The following NAV2 variants were observed in gnomAD, a reference collection of about 807,000 sequenced individuals.
NAV2 encodes the protein neuron navigator 2.
Under a neutral mutation model 223.2 loss-of-function variants are expected in NAV2, and 54 were observed. The observed-to-expected ratio is 0.24, with a 90% CI of 0.19 to 0.30. The LOEUF is 0.30. Among genes scored for constraint, NAV2 ranks in the 10% least tolerant of loss-of-function variants. The probability of loss-of-function intolerance (pLI) is 1.00; values close to 1 mark genes in which losing one functional copy is unlikely to be tolerated. For missense variants in NAV2, 2,806 were observed against 3,147.5 expected, an observed-to-expected ratio of 0.89 and a Z score of 2.60; for synonymous variants, 1,279 against 1,239.3, an observed-to-expected ratio of 1.03 and a Z score of -0.67.
At chr11:19,903,495 C>T (rs1276882880) in intron 6 of NAV2, among the ~76,000 whole-genome samples, 2 of 152,164 alleles carry the variant, frequency 1.3e-5, no homozygotes, top group Non-Finnish European at 2.9e-5. Flanking sequence ...CTGCTTCCTT[C>T]ATAAGAGCAA....
At chr11:20,110,837 T>C (rs1328846506) in intron 36 of NAV2, among the ~76,000 whole-genome samples, 1 of 152,160 alleles carries the variant, frequency 6.6e-6, no homozygotes, top group East Asian at 1.9e-4. Context: ...GGCCATGAAG[T>C]GAGCACATTG....
intron 1 of NAV2, among the ~76,000 whole-genome samples, chr11:19,539,483 A>G (rs2044280901): frequency 6.6e-6 from 1 of 152,176 alleles, no homozygotes; most frequent in African/African-American, 2.4e-5. Context: ...ATTTAATATT[A>G]ATCTTATTTC....
intron 1 of NAV2, among the ~76,000 whole-genome samples, chr11:19,764,856 A>C (rs1242833902): frequency 6.6e-6 from 1 of 152,170 alleles, no homozygotes; most frequent in African/African-American, 2.4e-5. Context: ...AGTGGCAGCA[A>C]CACCTGCCCA....
intron 1 of NAV2, among the ~76,000 whole-genome samples, chr11:19,644,491 G>T (rs1298850575): frequency 6.6e-6 from 1 of 152,232 alleles, no homozygotes; most frequent in African/African-American, 2.4e-5. Flanking sequence ...TGAAGCTAAA[G>T]GAAGTGGGAG....
At chr11:19,634,255 G>T (rs1379438118) in intron 1 of NAV2, among the ~76,000 whole-genome samples, 2 of 152,116 alleles carry the variant, frequency 1.3e-5, no homozygotes, top group Non-Finnish European at 2.9e-5. Context: ...AAATGTGTAG[G>T]TTATCATCAA....
intron 5 of NAV2, 50 bp downstream of exon 5, chr11:19,880,177 C>A (rs778234705): frequency 6.7e-7 from 1 of 1,499,774 alleles, no homozygotes; most frequent in South Asian, 1.4e-5. Context: ...CACCTTCCTC[C>A]ACCCCAACCA....
chr11:19,745,498 T>A (rs2053261682), intron 1 of NAV2, among the ~76,000 whole-genome samples: 1 of 152,078 alleles, frequency 6.6e-6, no homozygotes, highest in Non-Finnish European at 1.5e-5. Context: ...CCCTACATGT[T>A]GTCACCATTC....
intron 1 of NAV2, among the ~76,000 whole-genome samples, chr11:19,770,678 G>A (rs2055647148): frequency 6.6e-6 from 1 of 152,090 alleles, no homozygotes; most frequent in Non-Finnish European, 1.5e-5. Context: ...CACTTACCCT[G>A]GAGCTTTCAA....
At chr11:19,814,082 A>G (rs1178288071) in intron 1 of NAV2, among the ~76,000 whole-genome samples, 1 of 152,008 alleles carries the variant, frequency 6.6e-6, no homozygotes, top group Non-Finnish European at 1.5e-5. Flanking sequence ...TGGGTGGTGT[A>G]TTTTTAGAGC....
intron 1 of NAV2, among the ~76,000 whole-genome samples, chr11:19,755,551 T>C (rs2054167560): frequency 6.6e-6 from 1 of 152,232 alleles, no homozygotes; most frequent in African/African-American, 2.4e-5. Flanking sequence ...GATTGGTTCC[T>C]TCTAGAGCCT....
At chr11:19,776,782 A>G (rs910215086) in intron 1 of NAV2, among the ~76,000 whole-genome samples, 32 of 151,770 alleles carry the variant, frequency 2.1e-4, no homozygotes, top group African/African-American at 7.0e-4. Flanking sequence ...GCAGAAAGAA[A>G]ATGCGGATGG....
intron 28 of NAV2, 93 bp downstream of exon 28, chr11:20,092,461 T>A: frequency 7.4e-7 from 1 of 1,350,746 alleles, no homozygotes; most frequent in South Asian, 1.4e-5. Context: ...GATCAACAGA[T>A]CAAATGGAGA....
chr11:19,370,126 T>C (rs1848423096), intron 1 of NAV2, among the ~76,000 whole-genome samples: 2 of 152,208 alleles, frequency 1.3e-5, no homozygotes, highest in South Asian at 4.1e-4. Flanking sequence ...CCTGATACGC[T>C]CTTTCATTGG....
intron 22 of NAV2, among the ~76,000 whole-genome samples, chr11:20,074,829 T>A (rs1446012585): frequency 2.0e-5 from 3 of 150,808 alleles, no homozygotes; most frequent in Non-Finnish European, 4.4e-5. Flanking sequence ...TGAGCCTATG[T>A]CTGTCTTTGC....
intron 1 of NAV2, among the ~76,000 whole-genome samples, chr11:19,791,304 G>A (rs905462154): frequency 4.6e-5 from 7 of 152,178 alleles, no homozygotes; most frequent in East Asian, 1.9e-4. Flanking sequence ...AGGGCAAGGC[G>A]TTGGAACCGC....
intron 1 of NAV2, among the ~76,000 whole-genome samples, chr11:19,524,586 C>T (rs942892352): frequency 1.3e-5 from 2 of 152,116 alleles, no homozygotes; most frequent in South Asian, 2.1e-4. Flanking sequence ...CCAGGGCTGC[C>T]GGCTATGGAG....
chr11:19,653,924 T>A (rs927714962), intron 1 of NAV2, among the ~76,000 whole-genome samples: 1 of 152,104 alleles, frequency 6.6e-6, no homozygotes, highest in African/African-American at 2.4e-5. Context: ...CAGGATAGAA[T>A]CTTAGGGGTG....
intron 1 of NAV2, among the ~76,000 whole-genome samples, chr11:19,551,320 C>G (rs1447750605): frequency 1.3e-5 from 2 of 152,270 alleles, no homozygotes; most frequent in African/African-American, 4.8e-5. Context: ...GTCAGGACCA[C>G]GTATTTTCTT....
chr11:20,117,285 C>T (rs191656931), intron 37 of NAV2, among the ~76,000 whole-genome samples: 63 of 152,322 alleles, frequency 4.1e-4, no homozygotes, highest in Admixed American at 3.8e-3. Flanking sequence ...AGAACACTGT[C>T]GCTAAACTCT....
Sources: gnomAD v4.1 joint callset for allele counts (sites outside exome capture counted in the v4.1 genomes callset) on GRCh38, gnomAD v4.1.1 for gene constraint, MANE v1.5 for transcripts, NCBI Gene and HGNC (gene_info 2026-07-23, HGNC 2026-07-21) for gene names.